GSAP: variants seen among roughly 807,000 people sequenced by gnomAD.
The protein encoded by GSAP is gamma-secretase activating protein.
GSAP carries 118 observed loss-of-function variants against 131.7 expected under a neutral mutation model. The ratio of observed to expected loss-of-function variants is 0.90; its 90% confidence interval spans 0.77 to 1.04. The LOEUF is 1.04. GSAP is among the 50% of genes least tolerant of loss of function. The probability of loss-of-function intolerance (pLI) is 0.00; values close to 1 mark genes in which losing one functional copy is unlikely to be tolerated. For synonymous variants in GSAP, 381 were observed against 363.4 expected (o/e 1.05, Z -0.55); for missense variants, 1,019 against 1,013.2 (o/e 1.01, Z -0.08).
At chr7:77,395,474 C>A (rs886511090) in intron 5 of GSAP, among the ~76,000 whole-genome samples, 1 of 152,198 alleles carries the variant, frequency 6.6e-6, no homozygotes, top group Non-Finnish European at 1.5e-5. Context: ...GTTCCATCTC[C>A]TCTGAAGCAA....
chr7:77,409,079 TATAAACG>T (rs1802818709), intron 1 of GSAP, among the ~76,000 whole-genome samples: 1 of 152,198 alleles, frequency 6.6e-6, no homozygotes, highest in African/African-American at 2.4e-5. Context: ...TATACATGGG[TATAAACG>T]TTTGTCAGTA....
intron 5 of GSAP, among the ~76,000 whole-genome samples, chr7:77,389,398 T>C (rs1029838566): frequency 6.6e-6 from 1 of 151,320 alleles, no homozygotes; most frequent in African/African-American, 2.4e-5. Context: ...AAACGCGTCA[T>C]TTAGCATTAG....
intron 18 of GSAP, among the ~76,000 whole-genome samples, chr7:77,350,066 T>C (rs182600954): frequency 5.5e-4 from 84 of 152,112 alleles, no homozygotes; most frequent in African/African-American, 1.9e-3. Flanking sequence ...GTGGCACATA[T>C]ACAACACCAT....
At chr7:77,363,220 T>C (rs1794794205) in intron 12 of GSAP, among the ~76,000 whole-genome samples, 1 of 152,242 alleles carries the variant, frequency 6.6e-6, no homozygotes, top group Non-Finnish European at 1.5e-5. Context: ...GCTCTTGGCA[T>C]AGAGTGGCCT....
At chr7:77,387,532 C>T (rs1246279158) in intron 5 of GSAP, 84 bp from the exon 6 acceptor site, 14 of 761,894 alleles carry the variant, frequency 1.8e-5, no homozygotes, top group African/African-American at 6.9e-5. Context: ...GAACAATTTC[C>T]GGTAAATCCT....
chr7:77,386,729 C>A (rs1187643092), intron 6 of GSAP, among the ~76,000 whole-genome samples: 2 of 152,126 alleles, frequency 1.3e-5, no homozygotes, highest in African/African-American at 4.8e-5. Context: ...GGAACTAGGC[C>A]ATGAAAACAA....
Position 77,353,609 on chromosome 7 carries a change from G to T in GSAP, c.1371C>A (p.Ala457=). 6.2e-7 allele frequency: 1 copy of T among 1,610,734 alleles called. No homozygotes were observed. The change falls in exon 17 of 31, where the codon GCC becomes GCA. Residue 457 remains alanine (A), a synonymous_variant. Coordinates refer to ENST00000257626, the MANE Select transcript of GSAP (RefSeq NM_017439.4). ...IIQWISENVS[A]CHSFDLIQEF... ...CCTGAATGAGGTCAAATGAATGGCA[G>T]GCAGAGACATTCTCAGAAATCCACT... is the stretch of plus-strand genomic sequence containing the variant.
rs747752522 is a variant in GSAP at position 77,353,035 on chromosome 7, A to AT, written c.1409-10dup. 8.9e-5 allele frequency: 136 copies of AT among 1,534,418 alleles called. No individual in the cohort carries two copies. The highest frequency in any genetic ancestry group is 9.3e-5 in the Non-Finnish European group (103 of 1,109,226). Reference sequence around the variant, plus strand: ...ACTCCAGTATGAAGAAGCTGAGTAGATTTTTTTTGAAACAGGGGGAAAAAA... The same window carrying AT: ...ACTCCAGTATGAAGAAGCTGAGTAGATTTTTTTTTGAAACAGGGGGAAAAAA... On this transcript the variant is annotated splice_polypyrimidine_tract_variant and intron_variant, in intron 17 of 30. Transcript: ENST00000257626.
chr7:77,353,533 C>A (rs773388384), intron 17 of GSAP, 39 bp downstream of exon 17: 18 of 1,386,570 alleles, frequency 1.3e-5, no homozygotes, highest in Non-Finnish European at 1.5e-5. Context: ...GCAAAAAGGT[C>A]AAGTATTCAA....
chr7:77,353,859 A>G (rs1584442355), intron 16 of GSAP, among the ~76,000 whole-genome samples: 1 of 152,298 alleles, frequency 6.6e-6, no homozygotes, highest in East Asian at 1.9e-4. Flanking sequence ...CATCTTTTTA[A>G]TAAATCTCCT....
At chr7:77,342,453 T>C (rs1791118383) in intron 19 of GSAP, among the ~76,000 whole-genome samples, 2 of 152,168 alleles carry the variant, frequency 1.3e-5, no homozygotes, top group Admixed American at 6.5e-5. Flanking sequence ...GTTCCCTTAT[T>C]AGGTCAAGAC....
chr7:77,404,750 G>A (rs2151179957), intron 2 of GSAP, 135 bp from the exon 3 acceptor site: 1 of 635,306 alleles, frequency 1.6e-6, no homozygotes, highest in South Asian at 1.9e-5. Flanking sequence ...GCCTGTCAGA[G>A]GGGGACTGAA....
chr7:77,411,488 C>T (rs1337046612), intron 1 of GSAP, among the ~76,000 whole-genome samples: 2 of 152,166 alleles, frequency 1.3e-5, no homozygotes, highest in Admixed American at 1.3e-4. Context: ...GCAATAGTTA[C>T]AACATGTCAT....
chr7:77,377,732 C>A (rs891283093), intron 8 of GSAP, among the ~76,000 whole-genome samples: 1 of 152,356 alleles, frequency 6.6e-6, no homozygotes, highest in East Asian at 1.9e-4. Context: ...GTACCTAACT[C>A]TCTTAAGTCA....
chr7:77,337,565 G>A (rs544000915), intron 19 of GSAP, among the ~76,000 whole-genome samples: 7 of 152,270 alleles, frequency 4.6e-5, no homozygotes, highest in Non-Finnish European at 8.8e-5. Flanking sequence ...TTGCTCAGGG[G>A]CATCAGACCA....
rs1794474333 is a variant in GSAP, at chr7:77,312,322, C to T, written c.2272-120G>A. On this transcript the variant is annotated intron_variant, in intron 28 of 30. Coordinates refer to ENST00000257626, the MANE Select transcript of GSAP (RefSeq NM_017439.4). ...AAAGTAGCTGGTTAGTCTCCAGGCCCTTGATGATTAAGGACCCTTGGAGAA... is the reference window on the plus strand; with the variant it reads ...AAAGTAGCTGGTTAGTCTCCAGGCCTTTGATGATTAAGGACCCTTGGAGAA... The T allele has an allele frequency of 3.0e-5, 17 of 570,356 alleles. No individual in the cohort carries two copies. In the South Asian group the frequency reaches 4.2e-4, roughly 14 times the overall value. The allele number at this position is 570,356 out of a possible 1,614,324, so 35.3% of individuals were successfully genotyped here.
chr7:77,412,512 CATTAAA>C (rs1268648365), intron 1 of GSAP, among the ~76,000 whole-genome samples: 12 of 151,972 alleles, frequency 7.9e-5, no homozygotes, highest in Non-Finnish European at 1.6e-4. Context: ...ATTTAGACTA[CATTAAA>C]ATTAAGAACT....
In GSAP at chr7:77,314,380, C is replaced by T. The variant is rs751094004; in HGVS notation, c.2199G>A (p.Arg733=). Reference sequence around the variant, plus strand: ...CTCAGGGCTTCTTACCTTTCATGAGCCTTATGACAGCTGTTTCAGTGAGAA... The same window carrying T: ...CTCAGGGCTTCTTACCTTTCATGAGTCTTATGACAGCTGTTTCAGTGAGAA... ...VLLLTETAVI[R]LMKDLDNTEK... is the part of the protein sequence containing the mutation. Residue 733 remains arginine (R), a synonymous_variant, in exon 27 of 31, where the codon AGG becomes AGA. Transcript: ENST00000257626. 4.0e-5 allele frequency: 64 copies of T among 1,613,556 alleles called. No homozygotes were observed. Among genetic ancestry groups the T allele is most frequent in the Non-Finnish European group, 5.3e-5 (63 of 1,179,752 alleles).
intron 19 of GSAP, among the ~76,000 whole-genome samples, chr7:77,346,937 A>ACCCCC (rs1791989330): frequency 1.5e-5 from 1 of 65,604 alleles, no homozygotes; most frequent in Admixed American, 1.6e-4. Context: ...ACTCCCCACC[A>ACCCCC]CCACCCCCCG....
Sources: allele counts gnomAD v4.1 joint callset (sites outside exome capture counted in the v4.1 genomes callset), GRCh38; gene constraint gnomAD v4.1.1; transcripts MANE v1.5; gene names NCBI Gene and HGNC (gene_info 2026-07-23, HGNC 2026-07-21).